ZNRF3: variants seen among roughly 807,000 people sequenced by gnomAD.
ZNRF3 encodes zinc and ring finger 3.
In ZNRF3, 23 loss-of-function variants were observed where a neutral mutation model predicts 72.5. The ratio of observed to expected loss-of-function variants is 0.32; its 90% CI spans 0.23 to 0.45. The LOEUF is 0.45. Ranked by LOEUF, ZNRF3 falls within the 20% of genes least tolerant of loss-of-function variation. ZNRF3 has a pLI of 1.00. For synonymous variants in ZNRF3, 610 were observed against 545.3 expected, an observed-to-expected ratio of 1.12 and a Z score of -1.65; for missense variants, 1,169 against 1,272.1, an observed-to-expected ratio of 0.92 and a Z score of 1.23.
chr22:28,990,506 G>A (rs375104490), intron 2 of ZNRF3, among the ~76,000 whole-genome samples: 2 of 152,074 alleles, frequency 1.3e-5, no homozygotes, highest in Non-Finnish European at 1.5e-5. Flanking sequence ...CCAATATGGC[G>A]AAATCCCATC....
At chr22:28,913,611 C>A (rs929775482) in intron 1 of ZNRF3, among the ~76,000 whole-genome samples, 1 of 152,040 alleles carries the variant, frequency 6.6e-6, no homozygotes, top group African/African-American at 2.4e-5. Flanking sequence ...TCCATTTCAG[C>A]TTAGATTTGT....
intron 1 of ZNRF3, among the ~76,000 whole-genome samples, chr22:28,930,267 T>C (rs1168018307): frequency 6.6e-6 from 1 of 152,220 alleles, no homozygotes; most frequent in East Asian, 1.9e-4. Context: ...TAAAATCAGT[T>C]ACATAATTAT....
chr22:29,037,933 T>TG (rs1433745282), intron 2 of ZNRF3, among the ~76,000 whole-genome samples: 1 of 152,216 alleles, frequency 6.6e-6, no homozygotes, highest in African/African-American at 2.4e-5. Flanking sequence ...ACTTCCCACC[T>TG]GTGTTCTGCA....
chr22:28,918,185 C>T (rs927876531), intron 1 of ZNRF3, among the ~76,000 whole-genome samples: 1 of 152,220 alleles, frequency 6.6e-6, no homozygotes, highest in Non-Finnish European at 1.5e-5. Context: ...TGCCTTCCCC[C>T]TGCCCTGCCA....
intron 1 of ZNRF3, among the ~76,000 whole-genome samples, chr22:28,955,659 T>C (rs1180848176): frequency 1.3e-5 from 2 of 151,968 alleles, no homozygotes; most frequent in African/African-American, 4.8e-5. Context: ...CTAAAGACGT[T>C]GGAAAACCAT....
Position 29,049,480 on chromosome 22 carries a change from C to T in ZNRF3, c.1299C>T (p.Cys433=), listed in dbSNP as rs34671303. Residue 433 remains cysteine (C), a synonymous_variant, in exon 8 of 9, where the codon TGC becomes TGT. Transcript: ENST00000544604. This position sits in a 1 kb window ranked among gnomAD's most constrained non-coding sequence, Gnocchi z 5.2. ...ACCACAGCCTGGCCGCTCACCGCTG[C>T]GGCCTGGAGCACCGGGCCTACTCCC... ...HLDHSLAAHR[C]GLEHRAYSPA... is the part of the protein sequence containing the mutation. 0.01 allele frequency: 16,169 copies of T among 1,604,732 alleles called. 87 individuals carry two copies. The highest frequency in any genetic ancestry group is 0.013 in the Middle Eastern group (79 of 6,062).
chr22:28,938,104 A>G (rs1049546345), intron 1 of ZNRF3, among the ~76,000 whole-genome samples: 2 of 152,200 alleles, frequency 1.3e-5, no homozygotes, highest in South Asian at 2.1e-4. Context: ...TCAGAAATAC[A>G]TAATGACAGA....
At chr22:28,961,215 G>A (rs2035352204) in intron 1 of ZNRF3, among the ~76,000 whole-genome samples, 1 of 152,174 alleles carries the variant, frequency 6.6e-6, no homozygotes, top group Admixed American at 6.5e-5. Context: ...TGAGGGAAGA[G>A]CCCACACTGT....
intron 2 of ZNRF3, among the ~76,000 whole-genome samples, chr22:28,991,014 G>A (rs947781141): frequency 6.6e-6 from 1 of 152,004 alleles, no homozygotes; most frequent in Non-Finnish European, 1.5e-5. Flanking sequence ...AGGCGTGGTG[G>A]CTCACGCCTG....
chr22:28,967,787 T>A (rs1282907897), intron 1 of ZNRF3, among the ~76,000 whole-genome samples: 1 of 151,756 alleles, frequency 6.6e-6, no homozygotes, highest in Non-Finnish European at 1.5e-5. Flanking sequence ...TAGCCAGGCA[T>A]AATGACACAC....
rs866747626 is a variant in ZNRF3 at position 28,935,025 on chromosome 22, A to G, written c.300+50959A>G. The stretch of plus-strand genomic sequence containing the variant: ...CCCAGGACTTCTCTGAATGTAGGGT[A>G]TGCTAGATGCACGATAACACAGCCC... On this transcript the variant is annotated intron_variant, in intron 1 of 8. Coordinates refer to ENST00000544604, the MANE Select transcript of ZNRF3 (RefSeq NM_001206998.2). Among the ~76,000 whole-genome samples the G allele has an allele frequency of 3.9e-5, 6 of 152,248 alleles. No individual in the cohort carries two copies. In the Middle Eastern group the frequency reaches 0.01, roughly 259 times the overall value.
chr22:29,033,590 G>T (rs2036806991), intron 2 of ZNRF3, among the ~76,000 whole-genome samples: 1 of 152,170 alleles, frequency 6.6e-6, no homozygotes, highest in African/African-American at 2.4e-5. Context: ...CCCCAGAAGA[G>T]AATGTTGTTG....
intron 1 of ZNRF3, among the ~76,000 whole-genome samples, chr22:28,886,058 A>G (rs755590494): frequency 6.6e-6 from 1 of 152,210 alleles, no homozygotes; most frequent in African/African-American, 2.4e-5. Flanking sequence ...TGGTGAGTTT[A>G]TCTGAGCTGT....
At position 28,919,844 on chromosome 22, in the gene ZNRF3, T is replaced by TG. The variant is rs1214262620; in HGVS notation, c.300+35779dup. Among the ~76,000 whole-genome samples, 47 of 152,134 alleles carry TG rather than the reference T, an allele frequency of 3.1e-4. No homozygotes were observed. In the Middle Eastern group the frequency reaches 0.01, roughly 33 times the overall value. Reference sequence around the variant, plus strand: ...AAGAGATGTAAGTTACAATAAGCGATGAGGGGGTGAAATTTAATTCTGTGC... The same window carrying TG: ...AAGAGATGTAAGTTACAATAAGCGATGGAGGGGGTGAAATTTAATTCTGTGC... On this transcript the variant is annotated intron_variant, in intron 1 of 8. Transcript: ENST00000544604.
chr22:28,945,688 C>T (rs1293560045), intron 1 of ZNRF3, among the ~76,000 whole-genome samples: 2 of 152,098 alleles, frequency 1.3e-5, no homozygotes, highest in Non-Finnish European at 2.9e-5. Context: ...CACCACCACG[C>T]TGAGCTAATT....
At chr22:29,003,588 C>G (rs1382480276) in intron 2 of ZNRF3, among the ~76,000 whole-genome samples, 2 of 151,908 alleles carry the variant, frequency 1.3e-5, no homozygotes, top group South Asian at 4.2e-4. Context: ...GCCTGTAATC[C>G]CAACACTTTG....
At chr22:29,026,274 T>C (rs1256910283) in intron 2 of ZNRF3, 2 of 152,186 alleles carry the variant, frequency 1.3e-5, no homozygotes, top group Non-Finnish European at 2.9e-5. Flanking sequence ...GCCTAACTCA[T>C]GACTGCTATG....
At chr22:28,945,458 A>G (rs1208952808) in intron 1 of ZNRF3, among the ~76,000 whole-genome samples, 1 of 152,036 alleles carries the variant, frequency 6.6e-6, no homozygotes, top group Non-Finnish European at 1.5e-5. Context: ...TGGAGAGGCC[A>G]AGGAGGGTGG....
intron 1 of ZNRF3, among the ~76,000 whole-genome samples, chr22:28,974,529 T>C (rs1404777743): frequency 5.3e-5 from 8 of 152,242 alleles, no homozygotes; most frequent in Admixed American, 3.9e-4. Context: ...AATGTTGATT[T>C]AAATGAGTAG....
Sources: allele counts gnomAD v4.1 joint callset (sites outside exome capture counted in the v4.1 genomes callset), GRCh38; gene constraint gnomAD v4.1.1; non-coding constraint Gnocchi (gnomAD v3.1); transcripts MANE v1.5; gene names NCBI Gene and HGNC (gene_info 2026-07-23, HGNC 2026-07-21).